KIRREL1: variants seen among roughly 807,000 people sequenced by gnomAD.
KIRREL1 encodes the protein kin of IRRE-like protein 1.
A neutral mutation model predicts 83.3 loss-of-function variants in KIRREL1; 25 were observed. The observed-to-expected ratio is 0.30, with a 90% CI of 0.22 to 0.42. The LOEUF is 0.42. Among genes scored for constraint, KIRREL1 ranks in the 10% least tolerant of loss-of-function variants. KIRREL1 has a pLI of 1.00. For missense variants in KIRREL1, 812 were observed against 1,032.3 expected (o/e 0.79, Z 2.92); for synonymous variants, 388 against 410.4 (o/e 0.95, Z 0.66).
chr1:158,071,312 G>A (rs908870228), intron 1 of KIRREL1, among the ~76,000 whole-genome samples: 1 of 152,172 alleles, frequency 6.6e-6, no homozygotes, highest in African/African-American at 2.4e-5. Context: ...CTGTTTCTCA[G>A]CGTTGTCTAC....
chr1:158,041,929 G>A (rs1660638201), intron 1 of KIRREL1, among the ~76,000 whole-genome samples: 1 of 152,178 alleles, frequency 6.6e-6, no homozygotes, highest in South Asian at 2.1e-4. Flanking sequence ...AGTTGGTCTG[G>A]TTCAGAGATT....
chr1:158,060,601 C>T (rs1661189788), intron 1 of KIRREL1, among the ~76,000 whole-genome samples: 1 of 152,144 alleles, frequency 6.6e-6, no homozygotes, highest in Admixed American at 6.5e-5. Flanking sequence ...CGACCCATTC[C>T]TCCAACAGCC....
intron 1 of KIRREL1, among the ~76,000 whole-genome samples, chr1:158,073,466 C>A (rs946486542): frequency 6.6e-6 from 1 of 152,208 alleles, no homozygotes; most frequent in African/African-American, 2.4e-5. Flanking sequence ...GCATACACCT[C>A]ATCTCATTTT....
chr1:158,043,824 T>A (rs4246541), intron 1 of KIRREL1, among the ~76,000 whole-genome samples: 11 of 152,198 alleles, frequency 7.2e-5, no homozygotes, highest in Admixed American at 5.2e-4. Flanking sequence ...GCAGCATCTC[T>A]GTGAGAGATG....
chr1:158,000,441 A>G (rs1419934956), intron 1 of KIRREL1, among the ~76,000 whole-genome samples: 4 of 152,202 alleles, frequency 2.6e-5, no homozygotes, highest in Non-Finnish European at 5.9e-5. Flanking sequence ...TGAAGTTATG[A>G]AAGTTGAGAA....
intron 1 of KIRREL1, among the ~76,000 whole-genome samples, chr1:158,063,580 G>C (rs895130547): frequency 6.6e-6 from 1 of 152,152 alleles, no homozygotes; most frequent in African/African-American, 2.4e-5. Flanking sequence ...CCATTTTCCA[G>C]CTTGCCCATC....
At position 158,054,703 on chromosome 1, in the gene KIRREL1, C is replaced by CTGAT. The variant is rs541588644; in HGVS notation, c.53-21409_53-21406dup. ...GTTCAGATCCAGTTCTGATTTCCAG[C>CTGAT]TGATACGTTTTGTTGCTCGCTCTAC... On this transcript the variant is annotated intron_variant, in intron 1 of 14. Coordinates refer to ENST00000359209, the MANE Select transcript of KIRREL1 (RefSeq NM_018240.7). Among the ~76,000 whole-genome samples, 66 of 152,318 alleles carry CTGAT rather than the reference C, an allele frequency of 4.3e-4. No individual in the cohort carries two copies. The Middle Eastern group carries it at 0.014, about 31-fold the overall frequency.
chr1:158,077,430 G>A (rs1661710999), intron 2 of KIRREL1, among the ~76,000 whole-genome samples: 2 of 152,166 alleles, frequency 1.3e-5, no homozygotes, highest in Non-Finnish European at 2.9e-5. Context: ...GGGGGAGCCT[G>A]GAGGAAGGAG....
chr1:158,045,286 C>T (rs72711931), intron 1 of KIRREL1, among the ~76,000 whole-genome samples: 9,313 of 152,266 alleles, frequency 0.061, 396 homozygotes, highest in Non-Finnish European at 0.088. Context: ...GCTGTGGGAA[C>T]GCCCAGAATC....
intron 4 of KIRREL1, 28 bp from the exon 5 acceptor site, chr1:158,086,568 C>A: frequency 6.5e-7 from 1 of 1,549,278 alleles, no homozygotes; most frequent in South Asian, 1.2e-5. Context: ...TTAGCTTAAC[C>A]ATATCTCCCA....
chr1:158,000,843 T>G (rs1249775494), intron 1 of KIRREL1, among the ~76,000 whole-genome samples: 1 of 152,214 alleles, frequency 6.6e-6, no homozygotes, highest in Non-Finnish European at 1.5e-5. Flanking sequence ...TCCTCAGGAT[T>G]AAGGGTCTTA....
chr1:157,994,491 G>T (rs1227730835), intron 1 of KIRREL1, among the ~76,000 whole-genome samples: 1 of 152,010 alleles, frequency 6.6e-6, no homozygotes, highest in Non-Finnish European at 1.5e-5. Context: ...TTTGACACTG[G>T]CAGGGGAGAG....
Position 158,003,729 on chromosome 1 carries a change from G to T in KIRREL1, c.52+10001G>T, listed in dbSNP as rs7542962. On this transcript the variant is annotated intron_variant, in intron 1 of 14. Coordinates refer to ENST00000359209, the MANE Select transcript of KIRREL1 (RefSeq NM_018240.7). ...AGTCTCCCTTCACCAGGCAGTGGGC[G>T]AAGTGAGAATGCAAACTCATTTTAA... Among the ~76,000 whole-genome samples, 1,076 of 152,060 alleles carry T rather than the reference G, an allele frequency of 7.1e-3. 13 individuals carry two copies. Among genetic ancestry groups the T allele is most frequent in the African/African-American group, 0.025 (1,030 of 41,442 alleles).
chr1:158,089,212 A>C (rs1005297754), intron 8 of KIRREL1, among the ~76,000 whole-genome samples: 1 of 152,208 alleles, frequency 6.6e-6, no homozygotes, highest in Non-Finnish European at 1.5e-5. Context: ...TGAAAACACT[A>C]GAACAGATCA....
At position 158,095,212 on chromosome 1, in the gene KIRREL1, C is replaced by A. The variant is rs546461411; in HGVS notation, c.*92C>A. On this transcript the variant is annotated 3_prime_UTR_variant, in exon 15 of 15. Transcript: ENST00000359209. ...ATTCAGGGGCATTGCTCATTGCTCC[C>A]TTCTCGGACCAGCCTTCTTCCTCCC... is the stretch of plus-strand genomic sequence containing the variant. 2 of 928,592 alleles carry A rather than the reference C, an allele frequency of 2.2e-6. No individual in the cohort carries two copies. The highest frequency in any genetic ancestry group is 2.8e-5 in the Admixed American group (1 of 36,026). The allele number at this position is 928,592 out of a possible 1,614,324, so 57.5% of individuals were successfully genotyped here.
At chr1:158,087,460 A>G (rs1662047299) in intron 5 of KIRREL1, among the ~76,000 whole-genome samples, 1 of 152,036 alleles carries the variant, frequency 6.6e-6, no homozygotes, top group African/African-American at 2.4e-5. Context: ...CCCACACCCC[A>G]TCCTTTTTAG....
chr1:158,010,000 C>G (rs1387140563), intron 1 of KIRREL1, among the ~76,000 whole-genome samples: 2 of 152,186 alleles, frequency 1.3e-5, no homozygotes, highest in Admixed American at 1.3e-4. Context: ...TGTGCCTCTA[C>G]TGGAGAGACC....
chr1:158,053,204 G>C (rs577013447), intron 1 of KIRREL1, among the ~76,000 whole-genome samples: 1 of 152,322 alleles, frequency 6.6e-6, no homozygotes, highest in African/African-American at 2.4e-5. Context: ...CGTTCCTTGA[G>C]AGCAGGAGGC....
chr1:158,008,905 T>G (rs1014454352), intron 1 of KIRREL1, among the ~76,000 whole-genome samples: 1 of 152,004 alleles, frequency 6.6e-6, no homozygotes, highest in East Asian at 1.9e-4. Flanking sequence ...CAGGACAGGA[T>G]GTAATGGAAA....
Sources: allele counts gnomAD v4.1 joint callset (sites outside exome capture counted in the v4.1 genomes callset), GRCh38; gene constraint gnomAD v4.1.1; transcripts MANE v1.5; gene names NCBI Gene and HGNC (gene_info 2026-07-23, HGNC 2026-07-21).